The following CLDN14 variants were observed in gnomAD, a reference collection of about 807,000 sequenced individuals.
CLDN14 encodes claudin-14.
CLDN14 carries 2 observed loss-of-function variants against 2.1 expected under a neutral mutation model. The ratio of observed to expected loss-of-function variants is 0.96; its 90% CI spans 0.39 to 3.01. The LOEUF (loss-of-function observed/expected upper bound fraction) is 3.01. Among genes scored for constraint, CLDN14 ranks in the 30% most tolerant of loss-of-function variants. The pLI, the probability that CLDN14 is intolerant of heterozygous loss-of-function variation, is 0.09. For missense variants in CLDN14, 298 were observed against 328.0 expected (o/e 0.91, Z 0.71); for synonymous variants, 136 against 154.4 (o/e 0.88, Z 0.88).
intron 2 of CLDN14, among the ~76,000 whole-genome samples, chr21:36,492,642 C>A (rs183078136): frequency 1.3e-5 from 2 of 151,374 alleles, no homozygotes; most frequent in African/African-American, 4.9e-5. Flanking sequence ...CAAAACAAAA[C>A]GAAAAAAAGG....
chr21:36,509,795 TG>T (rs1324423390), intron 2 of CLDN14, among the ~76,000 whole-genome samples: 1 of 152,036 alleles, frequency 6.6e-6, no homozygotes, highest in Admixed American at 6.6e-5. Context: ...GGGGTTTCAC[TG>T]TGCTGACCAG....
chr21:36,571,736 G>A (rs1312642835), intron 1 of CLDN14, among the ~76,000 whole-genome samples: 1 of 152,108 alleles, frequency 6.6e-6, no homozygotes, highest in African/African-American at 2.4e-5. Context: ...CGGATTGATG[G>A]AGACAAGCCC....
intron 1 of CLDN14, among the ~76,000 whole-genome samples, chr21:36,537,264 G>C (rs1247668451): frequency 2.0e-5 from 3 of 151,970 alleles, no homozygotes; most frequent in African/African-American, 7.3e-5. Context: ...AAAAATCCAG[G>C]CTGTGGGGTT....
At chr21:36,495,713 G>T (rs1005326810) in intron 2 of CLDN14, among the ~76,000 whole-genome samples, 1 of 152,206 alleles carries the variant, frequency 6.6e-6, no homozygotes, top group African/African-American at 2.4e-5. Flanking sequence ...GAGTTAGAGA[G>T]TGTTCTTACC....
intron 1 of CLDN14, among the ~76,000 whole-genome samples, chr21:36,464,149 AG>A (rs1441784179): frequency 6.6e-6 from 1 of 152,096 alleles, no homozygotes; most frequent in African/African-American, 2.4e-5. Context: ...GTTGTTTAAA[AG>A]TGTGCAGCAC....
chr21:36,542,406 G>C (rs2087497112), intron 1 of CLDN14, among the ~76,000 whole-genome samples: 1 of 152,208 alleles, frequency 6.6e-6, no homozygotes, highest in Non-Finnish European at 1.5e-5. Flanking sequence ...TAAGATAAAG[G>C]AAGATGCAAA....
At position 36,544,840 on chromosome 21, in the gene CLDN14, G is replaced by A. The variant is rs77865231; in HGVS notation, c.-220+31571C>T. Among the ~76,000 whole-genome samples the A allele has an allele frequency of 4.2e-3, 645 of 152,318 alleles. 3 individuals carry two copies. Among genetic ancestry groups the A allele is most frequent in the African/African-American group, 0.015 (616 of 41,558 alleles). ...GCAACCATGTGAAAACAATTAGGAC[G>A]ACAAATTTACTAATTGCTGAAAGTA... On this transcript the variant is annotated intron_variant, in intron 1 of 2. Coordinates refer to the CLDN14 transcript ENST00000342108. The surrounding 1 kb of genome is among the most constrained non-coding windows in gnomAD (Gnocchi z 4.1).
intron 1 of CLDN14, among the ~76,000 whole-genome samples, chr21:36,573,873 T>A (rs981613655): frequency 1.3e-5 from 2 of 152,120 alleles, no homozygotes; most frequent in African/African-American, 4.8e-5. Flanking sequence ...GTATAAGACA[T>A]CTACATAAAA....
At chr21:36,490,293 T>A (rs997878888) in intron 2 of CLDN14, among the ~76,000 whole-genome samples, 1 of 151,984 alleles carries the variant, frequency 6.6e-6, no homozygotes, top group Non-Finnish European at 1.5e-5. Flanking sequence ...AGCCTTGAGC[T>A]CCTGGGCTTA....
chr21:36,515,183 T>A (rs1330405024), intron 1 of CLDN14, among the ~76,000 whole-genome samples: 1 of 152,174 alleles, frequency 6.6e-6, no homozygotes, highest in Non-Finnish European at 1.5e-5. Flanking sequence ...AACTATTACA[T>A]GGCCCAGCAA....
At chr21:36,495,341 TAATA>T (rs1568858439) in intron 2 of CLDN14, among the ~76,000 whole-genome samples, 4 of 151,982 alleles carry the variant, frequency 2.6e-5, no homozygotes, top group South Asian at 4.1e-4. Context: ...GAAAAATAAA[TAATA>T]AATAAAGGGG....
At chr21:36,515,087 T>C (rs984145757) in intron 1 of CLDN14, among the ~76,000 whole-genome samples, 3 of 152,006 alleles carry the variant, frequency 2.0e-5, no homozygotes, top group Non-Finnish European at 4.4e-5. Flanking sequence ...TGTGGAGAAA[T>C]TGAAACGCTT....
At chr21:36,530,034 G>C (rs1366405290) in intron 1 of CLDN14, among the ~76,000 whole-genome samples, 1 of 152,140 alleles carries the variant, frequency 6.6e-6, no homozygotes, top group Non-Finnish European at 1.5e-5. Context: ...TCCATGATTT[G>C]CTTATGCTTC....
intron 1 of CLDN14, among the ~76,000 whole-genome samples, chr21:36,567,124 T>C (rs1378980764): frequency 6.6e-6 from 1 of 152,190 alleles, no homozygotes; most frequent in Non-Finnish European, 1.5e-5. Context: ...AAAGACAGGC[T>C]GACATTCAGG....
At chr21:36,568,121 G>A (rs1178518087) in intron 1 of CLDN14, among the ~76,000 whole-genome samples, 1 of 152,192 alleles carries the variant, frequency 6.6e-6, no homozygotes, top group Non-Finnish European at 1.5e-5. Context: ...GGAGGTTACA[G>A]AGTGGATGGG....
intron 2 of CLDN14, among the ~76,000 whole-genome samples, chr21:36,485,690 G>A (rs1287299927): frequency 6.6e-6 from 1 of 152,218 alleles, no homozygotes; most frequent in East Asian, 1.9e-4. Flanking sequence ...TCTGTCTCGG[G>A]ACACCCTGTC....
chr21:36,527,561 T>C (rs2087343528), intron 1 of CLDN14, among the ~76,000 whole-genome samples: 1 of 152,226 alleles, frequency 6.6e-6, no homozygotes, highest in Non-Finnish European at 1.5e-5. Context: ...ACATTTCCCA[T>C]TTCCCGTCGA....
At chr21:36,502,294 T>C (rs746165511) in intron 2 of CLDN14, among the ~76,000 whole-genome samples, 1 of 152,190 alleles carries the variant, frequency 6.6e-6, no homozygotes, top group Admixed American at 6.5e-5. Context: ...CAGCGTCCTT[T>C]CTTCTGCAGG....
intron 1 of CLDN14, among the ~76,000 whole-genome samples, chr21:36,563,353 T>C (rs1308829802): frequency 6.6e-6 from 1 of 152,058 alleles, no homozygotes; most frequent in Non-Finnish European, 1.5e-5. Flanking sequence ...CAACTGGATA[T>C]GTTGGCCTGG....
Sources: gnomAD v4.1 joint callset for allele counts (sites outside exome capture counted in the v4.1 genomes callset) on GRCh38, gnomAD v4.1.1 for gene constraint, Gnocchi (gnomAD v3.1) non-coding constraint, MANE v1.5 for transcripts, NCBI Gene and HGNC (gene_info 2026-07-23, HGNC 2026-07-21) for gene names.